Variants in KALRN observed in about 807,000 individuals in gnomAD.
KALRN encodes the protein kalirin.
Under a neutral mutation model 353.7 loss-of-function variants are expected in KALRN, and 70 were observed. The ratio of observed to expected loss-of-function variants is 0.20; its 90% CI spans 0.16 to 0.24. The LOEUF (loss-of-function observed/expected upper bound fraction) is 0.24. KALRN is among the 10% of genes least tolerant of loss of function. The pLI is 1.00. For missense variants in KALRN, 2,791 were observed against 3,756.7 expected (o/e 0.74, Z 6.72); for synonymous variants, 1,391 against 1,434.8 (o/e 0.97, Z 0.69).
At chr3:124,233,328 G>A (rs1466268184) in intron 2 of KALRN, among the ~76,000 whole-genome samples, 2 of 152,144 alleles carry the variant, frequency 1.3e-5, no homozygotes, top group Admixed American at 6.5e-5. Flanking sequence ...TAATTTTCTC[G>A]CTTCCTTTTC....
intron 23 of KALRN, among the ~76,000 whole-genome samples, chr3:124,459,922 G>T (rs573745062): frequency 2.0e-5 from 3 of 152,210 alleles, no homozygotes; most frequent in South Asian, 2.1e-4. Flanking sequence ...CCACAAATTG[G>T]GTTGTTTAAA....
chr3:124,298,463 TC>T (rs2077016166), intron 5 of KALRN, among the ~76,000 whole-genome samples: 1 of 152,190 alleles, frequency 6.6e-6, no homozygotes, highest in African/African-American at 2.4e-5. Context: ...CCAGCTTGTC[TC>T]CTCAGCACCT....
chr3:124,474,348 G>A (rs1035475648), intron 25 of KALRN, among the ~76,000 whole-genome samples: 4 of 152,030 alleles, frequency 2.6e-5, no homozygotes, highest in African/African-American at 4.8e-5. Flanking sequence ...TAGATTACTT[G>A]TGTAAAAAAG....
chr3:124,248,163 T>G (rs1364996565), intron 3 of KALRN, among the ~76,000 whole-genome samples: 3 of 152,242 alleles, frequency 2.0e-5, no homozygotes, highest in Non-Finnish European at 4.4e-5. Flanking sequence ...GTTGGTTTTG[T>G]TTCTTGCCCC....
intron 37 of KALRN, among the ~76,000 whole-genome samples, chr3:124,639,826 C>A (rs1249875849): frequency 6.6e-6 from 1 of 152,204 alleles, no homozygotes; most frequent in Non-Finnish European, 1.5e-5. Context: ...TTAGAGCTAT[C>A]TTTGGCTTAA....
intron 34 of KALRN, among the ~76,000 whole-genome samples, chr3:124,595,750 A>C (rs1263033584): frequency 1.3e-5 from 2 of 152,222 alleles, no homozygotes. Context: ...TATGAGAAAC[A>C]TCCTCTAGTA....
At chr3:124,057,616 G>A (rs1163102151) in intron 1 of KALRN, among the ~76,000 whole-genome samples, 5 of 152,046 alleles carry the variant, frequency 3.3e-5, no homozygotes, top group African/African-American at 7.2e-5. Flanking sequence ...GCACTTGTGC[G>A]CGTGCCAAAC....
chr3:124,624,169 C>G (rs1401696631), intron 34 of KALRN, among the ~76,000 whole-genome samples: 2 of 152,222 alleles, frequency 1.3e-5, no homozygotes, highest in Admixed American at 6.5e-5. Flanking sequence ...TGTCCAGCAT[C>G]TCCATGCTGT....
intron 10 of KALRN, among the ~76,000 whole-genome samples, chr3:124,361,526 T>C (rs911945386): frequency 1.3e-5 from 2 of 152,222 alleles, no homozygotes; most frequent in Admixed American, 6.5e-5. Flanking sequence ...ATATTAAAAC[T>C]TTATATTCTT....
At chr3:124,478,677 C>T (rs573395152) in intron 27 of KALRN, among the ~76,000 whole-genome samples, 1 of 152,222 alleles carries the variant, frequency 6.6e-6, no homozygotes, top group Non-Finnish European at 1.5e-5. Flanking sequence ...GCCACCATTA[C>T]CTCTGAGTGA....
At chr3:124,640,654 G>A (rs890924108) in intron 37 of KALRN, among the ~76,000 whole-genome samples, 1 of 152,142 alleles carries the variant, frequency 6.6e-6, no homozygotes, top group African/African-American at 2.4e-5. Flanking sequence ...GGGGCCCAGA[G>A]GAGGTAACCA....
intron 10 of KALRN, among the ~76,000 whole-genome samples, chr3:124,347,599 A>T (rs781294796): frequency 6.6e-6 from 1 of 152,100 alleles, no homozygotes. Flanking sequence ...TGATCTAAAA[A>T]TGCCTTGTCC....
chr3:124,396,525 G>A (rs1205321954), intron 12 of KALRN, among the ~76,000 whole-genome samples: 2 of 152,118 alleles, frequency 1.3e-5, no homozygotes, highest in African/African-American at 4.8e-5. Context: ...TCCTAATAGT[G>A]GACAGTCATT....
intron 57 of KALRN, among the ~76,000 whole-genome samples, chr3:124,704,636 C>A (rs1193298250): frequency 1.3e-5 from 2 of 152,158 alleles, no homozygotes; most frequent in African/African-American, 4.8e-5. Flanking sequence ...CAGTTTCGAC[C>A]TTCCAGGCTC....
intron 1 of KALRN, among the ~76,000 whole-genome samples, chr3:124,050,641 G>T (rs2040939944): frequency 6.6e-6 from 1 of 152,154 alleles, no homozygotes. Flanking sequence ...ATCCGATCTA[G>T]ACTGAATTTT....
intron 33 of KALRN, among the ~76,000 whole-genome samples, chr3:124,527,444 C>G (rs1211357611): frequency 6.6e-6 from 1 of 151,820 alleles, no homozygotes; most frequent in Non-Finnish European, 1.5e-5. Context: ...CCCGTCTCTA[C>G]TAAAAATACA....
At chr3:124,466,873 A>G (rs2060395703) in intron 25 of KALRN, among the ~76,000 whole-genome samples, 1 of 152,212 alleles carries the variant, frequency 6.6e-6, no homozygotes, top group African/African-American at 2.4e-5. Context: ...TCATAGTGAA[A>G]CAGCTTCCAT....
intron 2 of KALRN, among the ~76,000 whole-genome samples, chr3:124,232,244 C>T (rs1424887400): frequency 3.3e-5 from 5 of 152,212 alleles, no homozygotes; most frequent in Non-Finnish European, 1.5e-5. Context: ...AGAGCTTTCG[C>T]TGTGCCCTAG....
chr3:124,428,982 G>A (rs1399645787), intron 15 of KALRN, among the ~76,000 whole-genome samples: 1 of 152,136 alleles, frequency 6.6e-6, no homozygotes, highest in Non-Finnish European at 1.5e-5. Flanking sequence ...GTGAATCATG[G>A]CAGAGGGACA....
Sources: allele counts gnomAD v4.1 joint callset (sites outside exome capture counted in the v4.1 genomes callset), GRCh38; gene constraint gnomAD v4.1.1; transcripts MANE v1.5; gene names NCBI Gene and HGNC (gene_info 2026-07-23, HGNC 2026-07-21).